The following TBC1D4 variants were observed in gnomAD, a reference collection of about 807,000 sequenced individuals.
The protein encoded by TBC1D4 is TBC1 domain family member 4.
In TBC1D4, 121 loss-of-function variants were observed where a neutral mutation model predicts 142.5. That is an observed-to-expected ratio of 0.85 (90% CI 0.73 to 0.99). The LOEUF is 0.99. Among genes scored for constraint, TBC1D4 ranks in the 50% least tolerant of loss-of-function variants. The probability of loss-of-function intolerance (pLI) is 0.00; values close to 1 mark genes in which losing one functional copy is unlikely to be tolerated. For synonymous variants in TBC1D4, 630 were observed against 628.2 expected (o/e 1.00, Z -0.04); for missense variants, 1,475 against 1,606.6 (o/e 0.92, Z 1.40).
chr13:75,313,487 A>T (rs1424269919), intron 12 of TBC1D4, among the ~76,000 whole-genome samples: 2 of 152,168 alleles, frequency 1.3e-5, no homozygotes, highest in Non-Finnish European at 2.9e-5. Context: ...ATAAGATTGG[A>T]TGGCTAAGTT....
chr13:75,463,429 A>G (rs887247599), intron 1 of TBC1D4, among the ~76,000 whole-genome samples: 1 of 152,160 alleles, frequency 6.6e-6, no homozygotes, highest in Non-Finnish European at 1.5e-5. Context: ...CTCCATCCCA[A>G]TGGCCCATTT....
At chr13:75,365,712 T>C (rs574510608) in intron 1 of TBC1D4, among the ~76,000 whole-genome samples, 1 of 152,300 alleles carries the variant, frequency 6.6e-6, no homozygotes, top group African/African-American at 2.4e-5. Flanking sequence ...AATATCTCTT[T>C]CTCCTGTACC....
chr13:75,433,615 T>C (rs907513494), intron 1 of TBC1D4, among the ~76,000 whole-genome samples: 5 of 152,232 alleles, frequency 3.3e-5, no homozygotes, highest in African/African-American at 2.4e-5. Flanking sequence ...ACTTGATTCA[T>C]CTATTCTAAT....
At chr13:75,461,165 T>C (rs1344872142) in intron 1 of TBC1D4, among the ~76,000 whole-genome samples, 2 of 152,228 alleles carry the variant, frequency 1.3e-5, no homozygotes, top group East Asian at 1.9e-4. Flanking sequence ...TATTCTGCTG[T>C]ATATTTGGGA....
Position 75,286,238 on chromosome 13 carries a change from T to A in TBC1D4, c.*554A>T, listed in dbSNP as rs1282842127. The A allele has an allele frequency of 6.5e-6, 1 of 153,620 alleles. No individual in the cohort carries two copies. Among genetic ancestry groups the A allele is most frequent in the Non-Finnish European group, 1.5e-5 (1 of 68,794 alleles). 9.5% of individuals were successfully genotyped at this position (153,620 alleles called of 1,614,324 possible). ...AAACTCACAGGAGCATGACCAGTAA[T>A]CATTTTCCTCATATAGACAATGTCA... On this transcript the variant is annotated 3_prime_UTR_variant, in exon 21 of 21. Transcript: ENST00000377636.
At chr13:75,346,770 A>G (rs1016773711) in intron 5 of TBC1D4, among the ~76,000 whole-genome samples, 1 of 140,970 alleles carries the variant, frequency 7.1e-6, no homozygotes, top group African/African-American at 2.6e-5. Context: ...TTTTGAAAAA[A>G]AAAATTTATG....
intron 1 of TBC1D4, among the ~76,000 whole-genome samples, chr13:75,455,741 G>C (rs957393409): frequency 1.3e-5 from 2 of 151,964 alleles, no homozygotes; most frequent in Non-Finnish European, 2.9e-5. Flanking sequence ...GTACTTTTAA[G>C]GTATGATATA....
intron 1 of TBC1D4, among the ~76,000 whole-genome samples, chr13:75,401,698 G>A (rs546272115): frequency 7.9e-5 from 12 of 152,088 alleles, no homozygotes; most frequent in Non-Finnish European, 1.3e-4. Flanking sequence ...AGATGCTTTG[G>A]GGTTGATTTT....
intron 1 of TBC1D4, among the ~76,000 whole-genome samples, chr13:75,398,340 CT>C (rs1185101218): frequency 6.6e-6 from 1 of 152,076 alleles, no homozygotes; most frequent in Admixed American, 6.5e-5. Flanking sequence ...GTGGAATTGG[CT>C]TTGGGAATGG....
chr13:75,423,319 T>C (rs1183667096), intron 1 of TBC1D4, among the ~76,000 whole-genome samples: 1 of 152,192 alleles, frequency 6.6e-6, no homozygotes, highest in Admixed American at 6.5e-5. Flanking sequence ...CAGGTTGCTA[T>C]ATAACTTATG....
chr13:75,295,097 TA>T, intron 17 of TBC1D4, 84 bp from the exon 18 acceptor site: 1 of 1,279,762 alleles, frequency 7.8e-7, no homozygotes, highest in African/African-American at 1.5e-5. Context: ...TTTATTCTAA[TA>T]TTTAATAACA....
At chr13:75,393,930 A>AAAC (rs939372015) in intron 1 of TBC1D4, among the ~76,000 whole-genome samples, 1 of 151,626 alleles carries the variant, frequency 6.6e-6, no homozygotes, top group African/African-American at 2.4e-5. Context: ...TCTGTCTCAA[A>AAAC]AAAAAAAAAA....
chr13:75,391,789 C>T (rs572676368), intron 1 of TBC1D4, among the ~76,000 whole-genome samples: 29 of 152,312 alleles, frequency 1.9e-4, no homozygotes, highest in African/African-American at 6.7e-4. Flanking sequence ...CTGCCACTCT[C>T]CCTTACTCAG....
chr13:75,419,087 A>C (rs971389148), intron 1 of TBC1D4, among the ~76,000 whole-genome samples: 1 of 152,192 alleles, frequency 6.6e-6, no homozygotes, highest in East Asian at 1.9e-4. Flanking sequence ...ACACACACAC[A>C]CACACACAAA....
chr13:75,361,262 C>A (rs1189925429), intron 2 of TBC1D4, among the ~76,000 whole-genome samples: 1 of 152,098 alleles, frequency 6.6e-6, no homozygotes, highest in Non-Finnish European at 1.5e-5. Context: ...GGTGTGTCCT[C>A]GACTCAAAAT....
intron 19 of TBC1D4, among the ~76,000 whole-genome samples, chr13:75,290,137 T>C (rs9530419): frequency 0.26 from 38,903 of 151,960 alleles, 5,442 homozygotes; most frequent in African/African-American, 0.36. Context: ...GGTTCCACAA[T>C]AGTATATATA....
At chr13:75,341,310 G>T in intron 6 of TBC1D4, 75 bp from the exon 7 acceptor site, 2 of 1,450,242 alleles carry the variant, frequency 1.4e-6, no homozygotes, top group Non-Finnish European at 1.9e-6. Context: ...GCAGACAAAC[G>T]TAAATAAAGC....
chr13:75,327,791 C>T lies in TBC1D4; in HGVS notation c.1767G>A (p.Val589=). 6.2e-7 allele frequency: 1 copy of T among 1,613,944 alleles called. No homozygotes were observed. The highest frequency in any genetic ancestry group is 8.5e-7 in the Non-Finnish European group (1 of 1,179,900). ...ANRMRGRLGS[V]DSFERSNSLA... ...GACTGTTGGACCGTTCAAAACTGTC[C>T]ACACTTCCAAGCCGACCTCTCATTC... Residue 589 remains valine, a synonymous_variant, in exon 9 of 21, where the codon GTG becomes GTA. Transcript: ENST00000377636.
intron 1 of TBC1D4, among the ~76,000 whole-genome samples, chr13:75,447,137 T>C (rs1887320137): frequency 6.6e-6 from 1 of 152,188 alleles, no homozygotes; most frequent in East Asian, 1.9e-4. Flanking sequence ...GTGGACTTGA[T>C]GGGTGACAAA....
Sources: allele counts gnomAD v4.1 joint callset (sites outside exome capture counted in the v4.1 genomes callset), GRCh38; gene constraint gnomAD v4.1.1; transcripts MANE v1.5; gene names NCBI Gene and HGNC (gene_info 2026-07-23, HGNC 2026-07-21).